FAT3: variants seen among roughly 807,000 people sequenced by gnomAD.
FAT3 encodes protocadherin Fat 3.
Under a neutral mutation model 310.2 loss-of-function variants are expected in FAT3, and 95 were observed. The observed-to-expected ratio is 0.31, with a 90% confidence interval of 0.26 to 0.36. FAT3 has a LOEUF of 0.36. Among genes scored for constraint, FAT3 ranks in the 10% least tolerant of loss-of-function variants. The pLI is 1.00. For synonymous variants in FAT3, 2,314 were observed against 2,192.9 expected, an observed-to-expected ratio of 1.06 and a Z score of -1.54; for missense variants, 5,408 against 5,715.6, an observed-to-expected ratio of 0.95 and a Z score of 1.74.
intron 1 of FAT3, among the ~76,000 whole-genome samples, chr11:92,234,710 T>C (rs1864340056): frequency 6.6e-6 from 1 of 152,052 alleles, no homozygotes; most frequent in South Asian, 2.1e-4. Context: ...AAGATCAGCC[T>C]GACCAACATG....
chr11:92,440,850 G>A (rs1177224855), intron 2 of FAT3, among the ~76,000 whole-genome samples: 1 of 152,144 alleles, frequency 6.6e-6, no homozygotes, highest in African/African-American at 2.4e-5. Flanking sequence ...TTGTAAGTTG[G>A]TTGTAGGGTC....
At chr11:92,772,524 T>C (rs1191816026) in intron 6 of FAT3, among the ~76,000 whole-genome samples, 1 of 152,120 alleles carries the variant, frequency 6.6e-6, no homozygotes, top group Non-Finnish European at 1.5e-5. Flanking sequence ...TCTCTCCTTA[T>C]CCTATCTTCA....
intron 2 of FAT3, among the ~76,000 whole-genome samples, chr11:92,362,245 A>T (rs1948900277): frequency 3.3e-5 from 5 of 152,220 alleles, no homozygotes; most frequent in Non-Finnish European, 1.5e-5. Context: ...GAATTCAGAT[A>T]GACAAACCGA....
chr11:92,588,309 G>C (rs1939254401), intron 3 of FAT3, among the ~76,000 whole-genome samples: 1 of 151,778 alleles, frequency 6.6e-6, no homozygotes. Context: ...TTTACAATAA[G>C]TTGCTGTTCC....
intron 3 of FAT3, among the ~76,000 whole-genome samples, chr11:92,579,607 A>G (rs1938677593): frequency 6.6e-6 from 1 of 152,104 alleles, no homozygotes; most frequent in Non-Finnish European, 1.5e-5. Context: ...GTCTATCCCT[A>G]GAAGGGCTCC....
chr11:92,575,613 G>A (rs1440235694), intron 3 of FAT3, among the ~76,000 whole-genome samples: 5 of 152,102 alleles, frequency 3.3e-5, no homozygotes, highest in Non-Finnish European at 7.4e-5. Context: ...AAATGGGGCT[G>A]ATAATAGTTA....
At chr11:92,769,243 G>A (rs1161682391) in intron 6 of FAT3, among the ~76,000 whole-genome samples, 1 of 152,154 alleles carries the variant, frequency 6.6e-6, no homozygotes, top group African/African-American at 2.4e-5. Context: ...ACTTGTAACT[G>A]AGTTAAGAAA....
intron 8 of FAT3, among the ~76,000 whole-genome samples, chr11:92,790,755 A>G (rs571909738): frequency 6.6e-6 from 1 of 152,306 alleles, no homozygotes; most frequent in Non-Finnish European, 1.5e-5. Flanking sequence ...GTTTGTGTTC[A>G]TGGGGCCTCC....
chr11:92,804,651 C>T (rs1044252805), intron 10 of FAT3, among the ~76,000 whole-genome samples: 6 of 152,164 alleles, frequency 3.9e-5, no homozygotes, highest in African/African-American at 7.2e-5. Context: ...AACTTTTCTC[C>T]GCCAAACTCC....
At chr11:92,544,317 T>C (rs956289103) in intron 3 of FAT3, among the ~76,000 whole-genome samples, 9 of 152,154 alleles carry the variant, frequency 5.9e-5, no homozygotes, top group Non-Finnish European at 5.9e-5. Flanking sequence ...AGGGTAACTA[T>C]AGTTAACAGT....
intron 7 of FAT3, among the ~76,000 whole-genome samples, chr11:92,781,815 CACAT>C (rs3024236): frequency 0.32 from 48,269 of 151,820 alleles, 7,880 homozygotes; most frequent in Non-Finnish European, 0.34. Context: ...ATATGCTAGA[CACAT>C]ACAGACTTTA....
At chr11:92,305,775 C>T (rs1004906058) in intron 1 of FAT3, among the ~76,000 whole-genome samples, 3 of 152,012 alleles carry the variant, frequency 2.0e-5, no homozygotes, top group African/African-American at 4.8e-5. Flanking sequence ...GTCAAGGTCA[C>T]GGAAGACAAA....
intron 1 of FAT3, among the ~76,000 whole-genome samples, chr11:92,257,489 A>G (rs567809467): frequency 6.6e-6 from 1 of 152,170 alleles, no homozygotes; most frequent in Admixed American, 6.6e-5. Flanking sequence ...TACCTAATGG[A>G]TTTTCCATCT....
chr11:92,381,589 C>T (rs552266808), intron 2 of FAT3, among the ~76,000 whole-genome samples: 82 of 152,106 alleles, frequency 5.4e-4, no homozygotes, highest in Non-Finnish European at 8.8e-4. Flanking sequence ...TGTTGTAAAA[C>T]GTAACATTAA....
In FAT3 at chr11:92,631,212, G is replaced by A. The variant is rs1941546672; in HGVS notation, c.3608-66172G>A. Reference sequence around the variant, plus strand: ...TTTACAGTGAGTTCCTCAGACTTGTGTATTCTCCCCTGACCCATTCAGGTT... The same window carrying A: ...TTTACAGTGAGTTCCTCAGACTTGTATATTCTCCCCTGACCCATTCAGGTT... On this transcript the variant is annotated intron_variant, in intron 3 of 27. Transcript: ENST00000525166. Among the ~76,000 whole-genome samples the A allele has an allele frequency of 2.0e-5, 3 of 152,122 alleles. No individual in the cohort carries two copies. In the South Asian group the frequency reaches 6.2e-4, roughly 32 times the overall value.
intron 4 of FAT3, among the ~76,000 whole-genome samples, chr11:92,752,872 A>T (rs1591685343): frequency 6.6e-6 from 1 of 152,186 alleles, no homozygotes; most frequent in Admixed American, 6.5e-5. Context: ...TTAAGAAGGA[A>T]GCTGGTATAT....
intron 4 of FAT3, among the ~76,000 whole-genome samples, chr11:92,759,405 A>G (rs985216351): frequency 7.2e-5 from 11 of 152,200 alleles, no homozygotes; most frequent in Admixed American, 5.9e-4. Context: ...GGTAAGTGCT[A>G]CAAAAGAAAA....
intron 2 of FAT3, among the ~76,000 whole-genome samples, chr11:92,447,706 G>C (rs1285477652): frequency 6.6e-6 from 1 of 152,078 alleles, no homozygotes. Flanking sequence ...ATGTGAGCAA[G>C]ACCACCTACT....
intron 3 of FAT3, among the ~76,000 whole-genome samples, chr11:92,546,258 TA>T: frequency 6.6e-6 from 1 of 152,330 alleles, no homozygotes; most frequent in Non-Finnish European, 1.5e-5. Context: ...TCAGTGTGTT[TA>T]AGGGAACGTA....
Sources: gnomAD v4.1 joint callset for allele counts (sites outside exome capture counted in the v4.1 genomes callset) on GRCh38, gnomAD v4.1.1 for gene constraint, MANE v1.5 for transcripts, NCBI Gene and HGNC (gene_info 2026-07-23, HGNC 2026-07-21) for gene names.